The following INPP4B variants were observed in gnomAD, a reference collection of about 807,000 sequenced individuals.
INPP4B encodes inositol polyphosphate-4-phosphatase type II B, also known as inositol polyphosphate 4-phosphatase type II.
A neutral mutation model predicts 122.5 loss-of-function variants in INPP4B; 55 were observed. The ratio of observed to expected loss-of-function variants is 0.45; its 90% CI spans 0.36 to 0.56. The LOEUF (loss-of-function observed/expected upper bound fraction) is 0.56. INPP4B is among the 20% of genes least tolerant of loss of function. The probability of loss-of-function intolerance (pLI) is 0.00; values close to 1 mark genes in which losing one functional copy is unlikely to be tolerated. For synonymous variants in INPP4B, 403 were observed against 388.7 expected, an observed-to-expected ratio of 1.04 and a Z score of -0.43; for missense variants, 1,000 against 1,097.7, an observed-to-expected ratio of 0.91 and a Z score of 1.26.
At chr4:142,317,565 T>C in intron 7 of INPP4B, 2 of 215,772 alleles carry the variant, frequency 9.3e-6, no homozygotes, top group South Asian at 1.8e-4. Context: ...ATTTGTCCTG[T>C]ATGGAAAATA....
chr4:142,263,680 A>ATATATATATATAGG (rs61694410), intron 10 of INPP4B, among the ~76,000 whole-genome samples: 1 of 81,948 alleles, frequency 1.2e-5, no homozygotes, highest in Non-Finnish European at 2.5e-5. Context: ...ATATATATAT[A>ATATATATATATAGG]ACATTGAACA....
intron 1 of INPP4B, among the ~76,000 whole-genome samples, chr4:142,824,588 A>T (rs771973188): frequency 1.3e-4 from 20 of 152,254 alleles, no homozygotes; most frequent in Non-Finnish European, 1.9e-4. Flanking sequence ...CTCCCTTCAA[A>T]GGCACAATCC....
At chr4:142,174,560 T>C (rs1827160810) in intron 15 of INPP4B, among the ~76,000 whole-genome samples, 3 of 152,148 alleles carry the variant, frequency 2.0e-5, no homozygotes, top group African/African-American at 7.2e-5. Context: ...ACGACACTTT[T>C]TCTTCTTATG....
At chr4:142,312,488 C>T (rs1765893308) in intron 8 of INPP4B, among the ~76,000 whole-genome samples, 1 of 152,204 alleles carries the variant, frequency 6.6e-6, no homozygotes, top group South Asian at 2.1e-4. Context: ...CTGATTGTCT[C>T]TCCTTTGAGA....
intron 2 of INPP4B, among the ~76,000 whole-genome samples, chr4:142,720,771 C>CATATATATATAA (rs1202770796): frequency 0.027 from 338 of 12,690 alleles, 12 homozygotes; most frequent in African/African-American, 0.096. Context: ...ATCTCTCTCT[C>CATATATATATAA]TCTCTCTCTC....
chr4:142,326,173 C>T (rs529479014), intron 7 of INPP4B, among the ~76,000 whole-genome samples: 3 of 152,286 alleles, frequency 2.0e-5, no homozygotes, highest in Middle Eastern at 3.4e-3. Flanking sequence ...GTACAGACCC[C>T]GTCGGTTTTC....
intron 3 of INPP4B, among the ~76,000 whole-genome samples, chr4:142,458,712 G>A (rs1816044828): frequency 6.6e-6 from 1 of 152,112 alleles, no homozygotes; most frequent in Admixed American, 6.6e-5. Context: ...CAGTCGCCAC[G>A]ACTTAATTGA....
chr4:142,029,524 T>TA (rs1371376956), intron 25 of INPP4B: 1 of 985,512 alleles, frequency 1.0e-6, no homozygotes, highest in African/African-American at 1.7e-5. Flanking sequence ...AAGACCTTGT[T>TA]AAAAAGAATA....
At chr4:142,410,984 A>G (rs1396756225) in intron 5 of INPP4B, among the ~76,000 whole-genome samples, 1 of 152,030 alleles carries the variant, frequency 6.6e-6, no homozygotes, top group Non-Finnish European at 1.5e-5. Context: ...TTTTCACCTT[A>G]TTTTCAGATA....
At chr4:142,329,398 G>C (rs1773631119) in intron 7 of INPP4B, among the ~76,000 whole-genome samples, 1 of 39,230 alleles carries the variant, frequency 2.5e-5, no homozygotes, top group Non-Finnish European at 6.5e-5. Flanking sequence ...AGAAGTGAAA[G>C]TTGGGTGGAA....
Position 142,838,724 on chromosome 4 carries a change from G to A in INPP4B, c.-254+7485C>T, listed in dbSNP as rs547387070. Among the ~76,000 whole-genome samples, 254 of 152,290 alleles carry A rather than the reference G, an allele frequency of 1.7e-3. 2 individuals are homozygous for A. The highest frequency in any genetic ancestry group is 3.1e-3 in the Non-Finnish European group (212 of 68,036). On this transcript the variant is annotated intron_variant, in intron 1 of 25. Transcript: ENST00000262992. ...TTATATTTGCTTTTAGATACTCAAT[G>A]TCACAAAGATTCATACATAGTGGTT...
intron 1 of INPP4B, among the ~76,000 whole-genome samples, chr4:142,761,010 G>A (rs893761577): frequency 6.6e-6 from 1 of 152,058 alleles, no homozygotes; most frequent in Non-Finnish European, 1.5e-5. Context: ...ACAGTGTTCT[G>A]TTATTTCTTA....
chr4:142,347,168 G>A (rs1444395366), intron 7 of INPP4B, among the ~76,000 whole-genome samples: 1 of 151,946 alleles, frequency 6.6e-6, no homozygotes, highest in Non-Finnish European at 1.5e-5. Context: ...TCATTCAACT[G>A]TAAGTTCATA....
chr4:142,285,597 G>C (rs778552070), intron 9 of INPP4B, among the ~76,000 whole-genome samples: 1 of 147,656 alleles, frequency 6.8e-6, no homozygotes, highest in East Asian at 2.0e-4. Context: ...CACTTGGCAG[G>C]GTTGCAGGGA....
chr4:142,554,221 CAG>C (rs1728635073), intron 2 of INPP4B, among the ~76,000 whole-genome samples: 1 of 147,708 alleles, frequency 6.8e-6, no homozygotes, highest in Admixed American at 6.8e-5. Flanking sequence ...AGAAAAAAGC[CAG>C]AGTCATCCAC....
At chr4:142,519,942 G>T (rs936357600) in intron 2 of INPP4B, among the ~76,000 whole-genome samples, 1 of 151,970 alleles carries the variant, frequency 6.6e-6, no homozygotes, top group African/African-American at 2.4e-5. Context: ...ACTGTTTTCA[G>T]TATTAGTTTC....
chr4:142,567,072 T>C (rs550094050), intron 2 of INPP4B, among the ~76,000 whole-genome samples: 4 of 152,296 alleles, frequency 2.6e-5, no homozygotes, highest in African/African-American at 9.6e-5. Flanking sequence ...CAAATATTTA[T>C]ATGTAGGTTA....
At position 142,114,778 on chromosome 4, in the gene INPP4B, C is replaced by T. The variant is rs528259400; in HGVS notation, c.2136-2096G>A. 3.9e-5 allele frequency among the ~76,000 whole-genome samples: 6 copies of T among 152,054 alleles called. No homozygotes were observed. In the East Asian group the frequency reaches 1.2e-3, roughly 29 times the overall value. ...AAATGTTCATAATTTTGATGAAGTC[C>T]TATTTATCTATTTTCTTCTTTTATG... On this transcript the variant is annotated intron_variant, in intron 21 of 25. Transcript: ENST00000262992.
At chr4:142,215,947 A>T (rs1847057241) in intron 12 of INPP4B, among the ~76,000 whole-genome samples, 1 of 149,802 alleles carries the variant, frequency 6.7e-6, no homozygotes, top group Admixed American at 6.7e-5. Context: ...GGAATCTGAC[A>T]CTAATGTTGT....
Sources: allele counts gnomAD v4.1 joint callset (sites outside exome capture counted in the v4.1 genomes callset), GRCh38; gene constraint gnomAD v4.1.1; transcripts MANE v1.5; gene names NCBI Gene and HGNC (gene_info 2026-07-23, HGNC 2026-07-21).